HSD11B1: variants seen among roughly 807,000 people sequenced by gnomAD.
HSD11B1 encodes hydroxysteroid 11-beta dehydrogenase 1.
A neutral mutation model predicts 22.1 loss-of-function variants in HSD11B1; 15 were observed. The ratio of observed to expected loss-of-function variants is 0.68; its 90% CI spans 0.45 to 1.04. The LOEUF (loss-of-function observed/expected upper bound fraction) is 1.04, where lower values mean the gene tolerates loss of function less well. Among genes scored for constraint, HSD11B1 ranks in the 50% least tolerant of loss-of-function variants. The probability of loss-of-function intolerance (pLI) is 0.00; values close to 1 mark genes in which losing one functional copy is unlikely to be tolerated. For synonymous variants in HSD11B1, 122 were observed against 125.2 expected, an observed-to-expected ratio of 0.97 and a Z score of 0.17; for missense variants, 281 against 357.6, an observed-to-expected ratio of 0.79 and a Z score of 1.73.
intron 4 of HSD11B1, among the ~76,000 whole-genome samples, chr1:209,718,007 G>T (rs2076940834): frequency 1.3e-5 from 2 of 151,976 alleles, no homozygotes; most frequent in Non-Finnish European, 1.5e-5. Flanking sequence ...AACAAACACT[G>T]CATGTACTCA....
intron 4 of HSD11B1, among the ~76,000 whole-genome samples, chr1:209,721,000 A>T (rs185800862): frequency 5.8e-4 from 89 of 152,318 alleles, no homozygotes; most frequent in Middle Eastern, 3.4e-3. Flanking sequence ...GGGGAAGAGA[A>T]GACACAGACA....
At chr1:209,719,223 G>A (rs1269473296) in intron 4 of HSD11B1, among the ~76,000 whole-genome samples, 1 of 152,036 alleles carries the variant, frequency 6.6e-6, no homozygotes, top group African/African-American at 2.4e-5. Context: ...ATCTTTAAAA[G>A]GAAAGAAATT....
intron 4 of HSD11B1, among the ~76,000 whole-genome samples, chr1:209,723,287 C>T (rs1022787840): frequency 6.6e-6 from 1 of 152,166 alleles, no homozygotes; most frequent in Non-Finnish European, 1.5e-5. Flanking sequence ...AGGCTTCCGA[C>T]CCCCTCAATT....
At chr1:209,713,756 A>T (rs776479623) in intron 4 of HSD11B1, among the ~76,000 whole-genome samples, 3 of 152,232 alleles carry the variant, frequency 2.0e-5, no homozygotes, top group Non-Finnish European at 4.4e-5. Context: ...TAGCTGTTAT[A>T]TTGTATTATT....
At chr1:209,707,173 A>C (rs1393507794) in intron 4 of HSD11B1, 45 bp downstream of exon 4, 2 of 1,500,520 alleles carry the variant, frequency 1.3e-6, no homozygotes, top group Non-Finnish European at 1.9e-6. Flanking sequence ...GAAAAAAAAA[A>C]ATGCCAGGGA....
At chr1:209,700,549 T>A (rs781439890), upstream of HSD11B1, among the ~76,000 whole-genome samples, 3 of 152,240 alleles carry the variant, frequency 2.0e-5, no homozygotes, top group African/African-American at 4.8e-5. Context: ...GGGGCTGCCA[T>A]GAAGGTCTCT....
chr1:209,721,453 G>C (rs1329024482), intron 4 of HSD11B1, among the ~76,000 whole-genome samples: 1 of 120,520 alleles, frequency 8.3e-6, no homozygotes, highest in South Asian at 2.6e-4. Context: ...CTTTAAGTTT[G>C]AAATTATTTC....
intron 4 of HSD11B1, among the ~76,000 whole-genome samples, chr1:209,709,199 T>C (rs903072266): frequency 6.6e-6 from 1 of 152,190 alleles, no homozygotes; most frequent in Non-Finnish European, 1.5e-5. Flanking sequence ...AGTTGTTTAT[T>C]GAGTTTCAGT....
In HSD11B1 at chr1:209,706,750, C is replaced by G. The variant is rs762684208; in HGVS notation, c.261C>G (p.His87Gln). ...HCLELGAASAHYIAGTMEDMT... is the reference protein window; with the variant it reads ...HCLELGAASAQYIAGTMEDMT... Reference sequence around the variant, plus strand: ...TGGAGCTTGGAGCAGCCTCAGCACACTACATTGCTGGCACCATGGAAGACA... The same window carrying G: ...TGGAGCTTGGAGCAGCCTCAGCACAGTACATTGCTGGCACCATGGAAGACA... The change falls in exon 3 of 6, where the codon CAC becomes CAG. Residue 87 changes from histidine to glutamine, a missense_variant. Physicochemically the swap from His to Gln is conservative, Grantham distance 24 (BLOSUM62 0). Transcript: ENST00000367027. The surrounding 1 kb of genome is among the most constrained non-coding windows in gnomAD (Gnocchi z 4.0). The G allele has an allele frequency of 6.2e-7, 1 of 1,614,068 alleles. No homozygotes were observed. Among genetic ancestry groups the G allele is most frequent in the Admixed American group, 1.7e-5 (1 of 60,020 alleles).
chr1:209,705,916 C>T lies in HSD11B1; in HGVS notation c.194C>T (p.Ala65Val), dbSNP rs374234875. 12 of 1,613,756 alleles carry T rather than the reference C, an allele frequency of 7.4e-6. No homozygotes were observed. Among genetic ancestry groups the T allele is most frequent in the East Asian group, 6.7e-5 (3 of 44,882 alleles). ...AKMGAHVVVTARSKETLQKVV... is the reference protein window; with the variant it reads ...AKMGAHVVVTVRSKETLQKVV... ...ATGGGAGCCCATGTGGTGGTGACAG[C>T]GAGGTCAAAAGAAACTCTACAGAAG... Residue 65 changes from alanine (A) to valine (V), a missense_variant, in exon 2 of 6, where the codon GCG (alanine) becomes GTG (valine). Ala to Val is a moderately conservative substitution (Grantham distance 64). Coordinates refer to ENST00000367027, the MANE Select transcript of HSD11B1 (RefSeq NM_005525.4).
chr1:209,694,773 C>T (rs187832780), intron 1 of HSD11B1, among the ~76,000 whole-genome samples: 6 of 152,172 alleles, frequency 3.9e-5, no homozygotes, highest in South Asian at 2.1e-4. Flanking sequence ...ATGCTTTATA[C>T]GTTATTCATG....
intron 4 of HSD11B1, among the ~76,000 whole-genome samples, chr1:209,721,497 TG>T (rs1236358825): frequency 1.4e-5 from 2 of 144,936 alleles, no homozygotes; most frequent in African/African-American, 2.7e-5. Context: ...ATCCCCATCC[TG>T]GGAGTCTAGT....
intron 4 of HSD11B1, among the ~76,000 whole-genome samples, chr1:209,725,485 C>A (rs2076995140): frequency 6.6e-6 from 1 of 152,166 alleles, no homozygotes; most frequent in African/African-American, 2.4e-5. Flanking sequence ...ACCTAAACAT[C>A]CAGTTTGGAT....
chr1:209,729,522 G>A lies in HSD11B1; in HGVS notation c.518-2914G>A, dbSNP rs534780714. The stretch of plus-strand genomic sequence containing the variant: ...CTAAATGTTTTGCCATCCTCAACAC[G>A]TGGCTTCTACCTCATGGTCCAAGAT... On this transcript the variant is annotated intron_variant, in intron 4 of 5. Transcript: ENST00000367027. Among the ~76,000 whole-genome samples the A allele has an allele frequency of 1.4e-4, 21 of 152,194 alleles. No homozygotes were observed. In the South Asian group the frequency reaches 2.1e-3, roughly 15 times the overall value.
At chr1:209,697,884 CTTTTTTTTTTTTT>C (rs988076432) in intron 1 of HSD11B1, among the ~76,000 whole-genome samples, 777 of 41,630 alleles carry the variant, frequency 0.019, 17 homozygotes, top group African/African-American at 0.055. Context: ...TTGTTTTTTC[CTTTTTTTTTTTTT>C]TTTTTTTTTT....
At chr1:209,707,176 G>T (rs941976321) in intron 4 of HSD11B1, 48 bp downstream of exon 4, 1 of 1,395,416 alleles carries the variant, frequency 7.2e-7, no homozygotes. Context: ...AAAAAAAAAT[G>T]CCAGGGATGA....
chr1:209,713,921 T>C (rs1192852126), intron 4 of HSD11B1, among the ~76,000 whole-genome samples: 1 of 152,178 alleles, frequency 6.6e-6, no homozygotes, highest in Non-Finnish European at 1.5e-5. Context: ...AAGTAGAAAT[T>C]TGCTTAAGTA....
Position 209,723,098 on chromosome 1 carries a change from T to G in HSD11B1, c.518-9338T>G, listed in dbSNP as rs189809676. On this transcript the variant is annotated intron_variant, in intron 4 of 5. Transcript: ENST00000367027. ...ACATTCTGTCCCACCTATCATCATG[T>G]CTGCCTTCATCCTTCTAAGACTCTG... Among the ~76,000 whole-genome samples, 1,045 of 152,292 alleles carry G rather than the reference T, an allele frequency of 6.9e-3. 6 individuals are homozygous for G. The highest frequency in any genetic ancestry group is 0.011 in the Non-Finnish European group (759 of 68,028).
At chr1:209,733,597 C>G (rs1314944805) in intron 5 of HSD11B1, among the ~76,000 whole-genome samples, 1 of 152,074 alleles carries the variant, frequency 6.6e-6, no homozygotes, top group African/African-American at 2.4e-5. Context: ...CCAGGGGGAG[C>G]AGGTGTGGAA....
Sources: allele counts gnomAD v4.1 joint callset (sites outside exome capture counted in the v4.1 genomes callset), GRCh38; gene constraint gnomAD v4.1.1; non-coding constraint Gnocchi (gnomAD v3.1); transcripts MANE v1.5; gene names NCBI Gene and HGNC (gene_info 2026-07-23, HGNC 2026-07-21).